FAT4: variants seen among roughly 807,000 people sequenced by gnomAD.
FAT4 encodes the protein protocadherin Fat 4.
In FAT4, 84 loss-of-function variants were observed where a neutral mutation model predicts 303.9. That is an observed-to-expected ratio of 0.28 (90% CI 0.23 to 0.33). The LOEUF is 0.33. Among genes scored for constraint, FAT4 ranks in the 10% least tolerant of loss-of-function variants. The pLI is 1.00. For missense variants in FAT4, 6,005 were observed against 6,146.8 expected, an observed-to-expected ratio of 0.98 and a Z score of 0.77; for synonymous variants, 2,307 against 2,298.8, an observed-to-expected ratio of 1.00 and a Z score of -0.10.
At chr4:125,447,671 A>G (rs2126055839) in intron 9 of FAT4, among the ~76,000 whole-genome samples, 1 of 152,160 alleles carries the variant, frequency 6.6e-6, no homozygotes, top group Middle Eastern at 3.4e-3. Context: ...GTGAGAGTGC[A>G]GGTTTGGGAA....
chr4:125,336,499 A>T (rs1304052438), intron 2 of FAT4, among the ~76,000 whole-genome samples: 1 of 152,038 alleles, frequency 6.6e-6, no homozygotes, highest in Non-Finnish European at 1.5e-5. Flanking sequence ...AGGGTAAGTG[A>T]ATTGTTAATG....
intron 7 of FAT4, among the ~76,000 whole-genome samples, chr4:125,429,122 C>A (rs950801439): frequency 1.3e-5 from 2 of 152,292 alleles, no homozygotes; most frequent in African/African-American, 4.8e-5. Flanking sequence ...AGTACACTAT[C>A]TGCAAAACTT....
chr4:125,383,331 C>A (rs1236229676), intron 2 of FAT4, among the ~76,000 whole-genome samples: 4 of 152,080 alleles, frequency 2.6e-5, no homozygotes, highest in Non-Finnish European at 4.4e-5. Context: ...TGCTTCAGGT[C>A]TTGTTTCCAT....
At chr4:125,333,519 T>C (rs1361794776) in intron 2 of FAT4, among the ~76,000 whole-genome samples, 1 of 152,204 alleles carries the variant, frequency 6.6e-6, no homozygotes, top group Admixed American at 6.5e-5. Context: ...TTTGTTTAGC[T>C]TTATTTCATG....
intron 10 of FAT4, among the ~76,000 whole-genome samples, chr4:125,457,503 A>T (rs1318522732): frequency 6.6e-6 from 1 of 152,072 alleles, no homozygotes; most frequent in Non-Finnish European, 1.5e-5. Flanking sequence ...TTTGTATAAC[A>T]TGTATTTCTT....
chr4:125,406,751 T>G (rs1028555419), intron 3 of FAT4, 129 bp from the exon 4 acceptor site: 30 of 983,224 alleles, frequency 3.1e-5, no homozygotes, highest in Non-Finnish European at 4.2e-5. Context: ...ATTACCTGTT[T>G]AAGTCTTATA....
Position 125,320,194 on chromosome 4 carries a change from C to T in FAT4, c.3783C>T (p.Asp1261=), listed in dbSNP as rs892986500. 2 of 1,613,214 alleles carry T rather than the reference C, an allele frequency of 1.2e-6. No individual in the cohort carries two copies. Among genetic ancestry groups the T allele is most frequent in the Non-Finnish European group, 1.7e-6 (2 of 1,179,300 alleles). The change falls in exon 2 of 18, where the codon GAC becomes GAT. Residue 1261 remains aspartate (D), a synonymous_variant. Transcript: ENST00000394329. ...ATGAAGAAAGACAGTTTGCTATAGA[C>T]AGTACCTCTGGTCAGGTAACACTAA... ...KGNEERQFAI[D]STSGQVTLIG...
chr4:125,446,431 G>A lies in FAT4; in HGVS notation c.7338G>A (p.Glu2446=), dbSNP rs571328205. 6.2e-6 allele frequency: 10 copies of A among 1,613,470 alleles called. No individual in the cohort carries two copies. In the Admixed American group the frequency reaches 1.2e-4, roughly 19 times the overall value. Residue 2446 remains glutamate, a synonymous_variant, in exon 9 of 18, where the codon GAG becomes GAA. Transcript: ENST00000394329. The part of the protein sequence containing the change: ...VVVCSDAGSP[E]PLSSSTSVLV... ...TCTGCAGTGATGCGGGATCCCCAGA[G>A]CCTCTTTCCAGTTCCACCAGTGTGC...
chr4:125,437,230 C>G (rs1220298049), intron 8 of FAT4, among the ~76,000 whole-genome samples: 1 of 151,946 alleles, frequency 6.6e-6, no homozygotes, highest in Non-Finnish European at 1.5e-5. Context: ...GAGAGTATAG[C>G]AGGATAAGGA....
At chr4:125,407,211 G>T (rs879097869) in intron 4 of FAT4, 70 bp downstream of exon 4, 2 of 1,388,094 alleles carry the variant, frequency 1.4e-6, no homozygotes, top group Non-Finnish European at 2.0e-6. Flanking sequence ...ACTATGTTTC[G>T]GCTGCTCTTA....
At chr4:125,338,776 T>G (rs1420846503) in intron 2 of FAT4, among the ~76,000 whole-genome samples, 1 of 152,148 alleles carries the variant, frequency 6.6e-6, no homozygotes, top group Non-Finnish European at 1.5e-5. Context: ...GTCTGCATAT[T>G]TTAAACTATT....
rs1727694429 is a variant in FAT4 at position 125,492,716 on chromosome 4, C to G, written c.*948C>G. On this transcript the variant is annotated 3_prime_UTR_variant, in exon 18 of 18. Coordinates refer to ENST00000394329, the MANE Select transcript of FAT4 (RefSeq NM_001291303.3). The stretch of plus-strand genomic sequence containing the variant: ...TTTTGTAGATCATTTTTTTAAAATA[C>G]TGTGTAAAAACTTTTTTTACACCTA... The G allele has an allele frequency of 6.6e-6, 1 of 152,402 alleles. No homozygotes were observed. Among genetic ancestry groups the G allele is most frequent in the African/African-American group, 2.4e-5 (1 of 41,386 alleles). The allele number at this position is 152,402 out of a possible 1,614,324, so 9.4% of individuals were successfully genotyped here. A position where few individuals can be genotyped will look rare whatever the true frequency, so the allele number is the denominator to read the frequency against.
At chr4:125,363,279 A>G (rs1476032574) in intron 2 of FAT4, among the ~76,000 whole-genome samples, 1 of 151,698 alleles carries the variant, frequency 6.6e-6, no homozygotes, top group African/African-American at 2.4e-5. Flanking sequence ...ATATTTATAT[A>G]TAATTTCTTA....
chr4:125,465,000 A>G (rs1308022150), intron 11 of FAT4, among the ~76,000 whole-genome samples: 1 of 152,198 alleles, frequency 6.6e-6, no homozygotes, highest in African/African-American at 2.4e-5. Context: ...TTAATTTCCA[A>G]ACAACTTCAT....
rs754915496 is a variant in FAT4 at position 125,319,401 on chromosome 4, A to G, written c.2990A>G (p.Asp997Gly). ...HDVNDNSPVFDQLSYEVTLSE... is the reference protein window; with the variant it reads ...HDVNDNSPVFGQLSYEVTLSE... ...GTAAATGACAATTCACCAGTGTTTG[A>G]CCAACTCTCTTATGAAGTCACCCTT... Residue 997 changes from aspartate to glycine, a missense_variant, in exon 2 of 18, where the codon GAC becomes GGC. Coordinates refer to ENST00000394329, the MANE Select transcript of FAT4 (RefSeq NM_001291303.3). The G allele has an allele frequency of 1.2e-6, 2 of 1,613,466 alleles. No homozygotes were observed. Among genetic ancestry groups the G allele is most frequent in the South Asian group, 2.2e-5 (2 of 91,076 alleles).
chr4:125,414,438 T>C (rs1377812646), intron 5 of FAT4, among the ~76,000 whole-genome samples: 1 of 152,162 alleles, frequency 6.6e-6, no homozygotes, highest in African/African-American at 2.4e-5. Context: ...TAGGAATTAA[T>C]AAGTATTTAT....
chr4:125,320,852 A>G lies in FAT4; in HGVS notation c.4441A>G (p.Asn1481Asp), dbSNP rs1730909910. 2 of 1,614,180 alleles carry G rather than the reference A, an allele frequency of 1.2e-6. No individual in the cohort carries two copies. The highest frequency in any genetic ancestry group is 1.7e-6 in the Non-Finnish European group (2 of 1,180,004). ...IDEVKGTIYTNAEIDREFANL... is the reference protein window; with the variant it reads ...IDEVKGTIYTDAEIDREFANL... ...TGAAGTCAAAGGGACTATATATACTAATGCTGAAATAGATCGGGAATTTGC... is the reference window on the plus strand; with the variant it reads ...TGAAGTCAAAGGGACTATATATACTGATGCTGAAATAGATCGGGAATTTGC... Residue 1481 changes from asparagine to aspartate, a missense_variant, in exon 2 of 18, where the codon AAT (asparagine) becomes GAT (aspartate). By Grantham distance (23) the Asn-to-Asp change is conservative. Coordinates refer to ENST00000394329, the MANE Select transcript of FAT4 (RefSeq NM_001291303.3).
Position 125,448,457 on chromosome 4 carries a change from A to G in FAT4, c.7451-4A>G, listed in dbSNP as rs753234981. The stretch of plus-strand genomic sequence containing the variant: ...AGTATAACTGCACACTTTCTCTTTT[A>G]TAGGTTCCTTTGTCTTTGCGGTTAC... On this transcript the variant is annotated splice_polypyrimidine_tract_variant and splice_region_variant and intron_variant, in intron 9 of 17. Transcript: ENST00000394329. 2 of 1,585,488 alleles carry G rather than the reference A, an allele frequency of 1.3e-6. No individual in the cohort carries two copies. Among genetic ancestry groups the G allele is most frequent in the Admixed American group, 1.8e-5 (1 of 54,118 alleles).
intron 2 of FAT4, among the ~76,000 whole-genome samples, chr4:125,395,311 CT>C (rs1408942533): frequency 6.6e-6 from 1 of 152,006 alleles, no homozygotes; most frequent in Non-Finnish European, 1.5e-5. Flanking sequence ...ATTCACTTTT[CT>C]TTTTTATTCT....
Sources: allele counts gnomAD v4.1 joint callset (sites outside exome capture counted in the v4.1 genomes callset), GRCh38; gene constraint gnomAD v4.1.1; transcripts MANE v1.5; gene names NCBI Gene and HGNC (gene_info 2026-07-23, HGNC 2026-07-21).